TBL1X: variants seen among roughly 807,000 people sequenced by gnomAD.
TBL1X encodes the protein F-box-like/WD repeat-containing protein TBL1X.
In TBL1X, 10 loss-of-function variants were observed where a neutral mutation model predicts 50.7. The observed-to-expected ratio is 0.20, with a 90% CI of 0.12 to 0.33. TBL1X has a LOEUF of 0.33. TBL1X is among the 10% of genes least tolerant of loss of function. The probability of loss-of-function intolerance (pLI) is 1.00; values close to 1 mark genes in which losing one functional copy is unlikely to be tolerated. For missense variants in TBL1X, 340 were observed against 504.4 expected (o/e 0.67, Z 3.12); for synonymous variants, 190 against 214.7 (o/e 0.88, Z 1.01).
chrX:9,569,625 C>G (rs1481033925), intron 2 of TBL1X, among the ~76,000 whole-genome samples: 1 of 111,740 alleles, frequency 8.9e-6, no homozygotes, highest in East Asian at 2.8e-4. Context: ...GTGATCGCGC[C>G]ACTGCACTCC....
At chrX:9,463,884 A>G (rs928779529), upstream of TBL1X, among the ~76,000 whole-genome samples, 1 of 96,418 alleles carries the variant, frequency 1.0e-5, no homozygotes, top group Non-Finnish European at 2.1e-5. Flanking sequence ...ACAGAGCGAG[A>G]CTCCTCAGAA....
intron 2 of TBL1X, among the ~76,000 whole-genome samples, chrX:9,609,659 A>G (rs1481981728): frequency 1.8e-5 from 2 of 110,813 alleles, no homozygotes; most frequent in African/African-American, 6.6e-5. Context: ...ACCGATTACC[A>G]TATTGCTTTC....
chrX:9,653,025 C>T (rs1385086136), intron 3 of TBL1X, among the ~76,000 whole-genome samples: 2 of 111,028 alleles, frequency 1.8e-5, no homozygotes, highest in Non-Finnish European at 3.8e-5. Context: ...ATTAGCCGGG[C>T]GTATTGGCGG....
chrX:9,643,619 A>G lies in TBL1X; in HGVS notation c.-43+3259A>G, dbSNP rs140293209. On this transcript the variant is annotated intron_variant, in intron 3 of 17. Coordinates refer to ENST00000645353, the MANE Select transcript of TBL1X (RefSeq NM_005647.4). Reference sequence around the variant, plus strand: ...GTACTCCCTGCACTTTAGAAGGCCAAAGCAGGAGGATCACTTGAGGCCGGA... The same window carrying G: ...GTACTCCCTGCACTTTAGAAGGCCAGAGCAGGAGGATCACTTGAGGCCGGA... Among the ~76,000 whole-genome samples, 455 of 111,864 alleles carry G rather than the reference A, an allele frequency of 4.1e-3. 3 individuals are homozygous for G. The highest frequency in any genetic ancestry group is 0.014 in the African/African-American group (417 of 30,768).
intron 2 of TBL1X, among the ~76,000 whole-genome samples, chrX:9,590,907 C>G (rs1267361214): frequency 2.8e-5 from 3 of 106,589 alleles, no homozygotes; most frequent in Non-Finnish European, 3.8e-5. Flanking sequence ...TCCCACAGAA[C>G]AGCGGGCGGA....
In TBL1X at chrX:9,716,257, T is replaced by C; in HGVS notation, c.*11T>C. ...GATCTGCGGAAGTAACCACAAAATA[T>C]TATCGAAAAAAGAAAAGAATTCTAA... On this transcript the variant is annotated 3_prime_UTR_variant, in exon 18 of 18. Transcript: ENST00000645353. 1 of 1,207,185 alleles carries C rather than the reference T, an allele frequency of 8.3e-7. No homozygotes were observed. Among genetic ancestry groups the C allele is most frequent in the Non-Finnish European group, 1.1e-6 (1 of 892,391 alleles).
At chrX:9,568,458 G>A (rs183822011) in intron 2 of TBL1X, among the ~76,000 whole-genome samples, 1,587 of 110,542 alleles carry the variant, frequency 0.014, 25 homozygotes, top group African/African-American at 0.049. Context: ...TATATGCGGC[G>A]TGCTGTGCAT....
intron 5 of TBL1X, among the ~76,000 whole-genome samples, chrX:9,667,344 G>A (rs945095306): frequency 1.8e-5 from 2 of 111,823 alleles, no homozygotes; most frequent in Non-Finnish European, 3.8e-5. Context: ...TGAGGAAGTT[G>A]GCTAAGATTT....
chrX:9,715,906 C>T (rs1016495692), intron 17 of TBL1X, among the ~76,000 whole-genome samples: 55 of 112,241 alleles, frequency 4.9e-4, no homozygotes, highest in Admixed American at 3.2e-3. Flanking sequence ...TGTACTTGGG[C>T]TCGTATTGTC....
At chrX:9,500,521 A>G (rs2081995794) in intron 1 of TBL1X, among the ~76,000 whole-genome samples, 2 of 110,879 alleles carry the variant, frequency 1.8e-5, no homozygotes, top group Admixed American at 1.9e-4. Context: ...GCTCAAACCC[A>G]GGAGGTGGAG....
At chrX:9,620,216 G>A (rs975910404) in intron 2 of TBL1X, among the ~76,000 whole-genome samples, 2 of 112,492 alleles carry the variant, frequency 1.8e-5, no homozygotes, top group African/African-American at 6.5e-5. Flanking sequence ...TAGAGATGCT[G>A]TGAGTCCTCA....
chrX:9,558,063 C>T (rs1201739601), intron 2 of TBL1X, among the ~76,000 whole-genome samples: 2 of 112,019 alleles, frequency 1.8e-5, no homozygotes, highest in Non-Finnish European at 3.8e-5. Context: ...GTCTATGGAC[C>T]CTAGTGTGAT....
chrX:9,716,463 G>T lies in TBL1X; in HGVS notation c.*217G>T. On this transcript the variant is annotated 3_prime_UTR_variant, in exon 18 of 18. Coordinates refer to ENST00000645353, the MANE Select transcript of TBL1X (RefSeq NM_005647.4). ...AAACAGAAGCAAATCATATCAAACG[G>T]GGATAGAATGGTTTCCACTGAGGAC... The T allele has an allele frequency of 2.7e-6, 1 of 368,004 alleles. No homozygotes were observed. The highest frequency in any genetic ancestry group is 4.7e-6 in the Non-Finnish European group (1 of 211,763). 30.3% of individuals were successfully genotyped at this position (368,004 alleles called of 1,213,427 possible). A position where few individuals can be genotyped will look rare whatever the true frequency, so the allele number is the denominator to read the frequency against.
At chrX:9,607,327 G>A (rs1268611984) in intron 2 of TBL1X, among the ~76,000 whole-genome samples, 4 of 113,234 alleles carry the variant, frequency 3.5e-5, no homozygotes, top group African/African-American at 1.3e-4. Flanking sequence ...AATTGGGAGA[G>A]AATCTTTGAG....
chrX:9,580,109 G>C (rs2082432689), intron 2 of TBL1X, among the ~76,000 whole-genome samples: 1 of 112,323 alleles, frequency 8.9e-6, no homozygotes, highest in Non-Finnish European at 1.9e-5. Flanking sequence ...TGCCCAAGGT[G>C]GTGGGGGCAC....
intron 1 of TBL1X, among the ~76,000 whole-genome samples, chrX:9,487,848 A>G (rs73631483): frequency 0.042 from 4,675 of 110,434 alleles, 97 homozygotes; most frequent in South Asian, 0.12. Context: ...GCATTTCCCA[A>G]AGGGGTTGTG....
At chrX:9,475,015 A>G (rs2081840921) in intron 1 of TBL1X, among the ~76,000 whole-genome samples, 1 of 111,491 alleles carries the variant, frequency 9.0e-6, no homozygotes, top group Non-Finnish European at 1.9e-5. Flanking sequence ...CTGGGATTAC[A>G]GGCGCCTGCC....
intron 1 of TBL1X, among the ~76,000 whole-genome samples, chrX:9,491,538 C>T (rs181171340): frequency 9.3e-6 from 1 of 107,016 alleles, no homozygotes; most frequent in East Asian, 2.9e-4. Flanking sequence ...GCAGTGATCA[C>T]GCTTTATATT....
chrX:9,551,260 G>A (rs748231780), intron 2 of TBL1X, among the ~76,000 whole-genome samples: 43 of 109,751 alleles, frequency 3.9e-4, no homozygotes, highest in African/African-American at 1.4e-3. Flanking sequence ...GAGAGGGGGA[G>A]GTCAGTTATG....
Sources: allele counts gnomAD v4.1 joint callset (sites outside exome capture counted in the v4.1 genomes callset), GRCh38; gene constraint gnomAD v4.1.1; transcripts MANE v1.5; gene names NCBI Gene and HGNC (gene_info 2026-07-23, HGNC 2026-07-21).